Variants in ELAVL2 observed in about 807,000 individuals in gnomAD.
ELAVL2 encodes the protein ELAV like RNA binding protein 2.
In ELAVL2, 4 loss-of-function variants were observed where a neutral mutation model predicts 34.6. The ratio of observed to expected loss-of-function variants is 0.12; its 90% CI spans 0.06 to 0.26. The LOEUF (loss-of-function observed/expected upper bound fraction) is 0.26. ELAVL2 is among the 10% of genes least tolerant of loss of function. The pLI is 1.00. For synonymous variants in ELAVL2, 193 were observed against 154.8 expected (o/e 1.25, Z -1.83); for missense variants, 432 against 442.8 (o/e 0.98, Z 0.22).
At chr9:23,728,103 C>CAAAAAAAAAAGG (rs2045673994) in intron 3 of ELAVL2, among the ~76,000 whole-genome samples, 1 of 116,932 alleles carries the variant, frequency 8.6e-6, no homozygotes, top group Non-Finnish European at 1.9e-5. Flanking sequence ...ACTGCCTGGT[C>CAAAAAAAAAAGG]TTGGCTAAAT....
intron 1 of ELAVL2, among the ~76,000 whole-genome samples, chr9:23,768,663 G>A (rs955758309): frequency 3.9e-5 from 6 of 152,072 alleles, no homozygotes; most frequent in Admixed American, 2.0e-4. Flanking sequence ...ATCTACCTTT[G>A]TGAAAAGTTG....
At position 23,691,195 on chromosome 9, in the gene ELAVL2, T is replaced by G. The variant is rs1019984196; in HGVS notation, c.*1362A>C. The G allele has an allele frequency of 6.6e-6, 1 of 152,634 alleles. No homozygotes were observed. The highest frequency in any genetic ancestry group is 3.4e-3 in the Middle Eastern group (1 of 294). 9.5% of individuals were successfully genotyped at this position (152,634 alleles called of 1,614,324 possible). A position where few individuals can be genotyped will look rare whatever the true frequency, so the allele number is the denominator to read the frequency against. ...CTCAAGTAACAATGTTAATGCCATTTACAAAGGAAAAAACTGATACAAAAA... is the reference window on the plus strand; with the variant it reads ...CTCAAGTAACAATGTTAATGCCATTGACAAAGGAAAAAACTGATACAAAAA... On this transcript the variant is annotated 3_prime_UTR_variant, in exon 7 of 7. Coordinates refer to ENST00000397312, the MANE Select transcript of ELAVL2 (RefSeq NM_004432.5).
At position 23,690,839 on chromosome 9, in the gene ELAVL2, C is replaced by T. The variant is rs886573705; in HGVS notation, c.*1718G>A. 1 of 152,440 alleles carries T rather than the reference C, an allele frequency of 6.6e-6. No individual in the cohort carries two copies. Among genetic ancestry groups the T allele is most frequent in the Admixed American group, 6.6e-5 (1 of 15,252 alleles). 9.4% of individuals were successfully genotyped at this position (152,440 alleles called of 1,614,324 possible). ...TTGAAAATTTATTATAAGCTAGATG[C>T]TAATCAGAAAATATTTTGTATTTTT... On this transcript the variant is annotated 3_prime_UTR_variant, in exon 7 of 7. Transcript: ENST00000397312.
intron 3 of ELAVL2, among the ~76,000 whole-genome samples, chr9:23,717,482 T>C (rs1418040459): frequency 6.6e-6 from 1 of 152,210 alleles, no homozygotes; most frequent in Non-Finnish European, 1.5e-5. Context: ...GGTTATTACT[T>C]GATAGAATAA....
chr9:23,773,859 G>A (rs1010422617), intron 1 of ELAVL2, among the ~76,000 whole-genome samples: 1 of 152,094 alleles, frequency 6.6e-6, no homozygotes, highest in Non-Finnish European at 1.5e-5. Context: ...AGTGAACAGA[G>A]GGTATTATCA....
chr9:23,805,636 C>T (rs1222242045), intron 1 of ELAVL2, among the ~76,000 whole-genome samples: 1 of 152,188 alleles, frequency 6.6e-6, no homozygotes, highest in East Asian at 1.9e-4. Context: ...GGCCCAATAA[C>T]GCTTCTTAAA....
intron 1 of ELAVL2, among the ~76,000 whole-genome samples, chr9:23,812,583 A>G (rs929897172): frequency 6.6e-6 from 1 of 152,134 alleles, no homozygotes; most frequent in East Asian, 1.9e-4. Context: ...CGTTCACCTA[A>G]AAGAATCATA....
intron 5 of ELAVL2, among the ~76,000 whole-genome samples, chr9:23,696,269 A>G (rs2035167307): frequency 6.6e-6 from 1 of 152,012 alleles, no homozygotes; most frequent in Non-Finnish European, 1.5e-5. Context: ...CCATAGATTC[A>G]TGTTTCCCAT....
At chr9:23,737,670 A>C (rs2048217807) in intron 2 of ELAVL2, among the ~76,000 whole-genome samples, 1 of 152,206 alleles carries the variant, frequency 6.6e-6, no homozygotes, top group Admixed American at 6.5e-5. Flanking sequence ...CAACAATAAA[A>C]GGTGACTACA....
intron 2 of ELAVL2, among the ~76,000 whole-genome samples, chr9:23,749,189 CT>C (rs1157300212): frequency 6.6e-6 from 1 of 151,880 alleles, no homozygotes; most frequent in Non-Finnish European, 1.5e-5. Flanking sequence ...TAGAATTAAT[CT>C]GATGACACGT....
intron 1 of ELAVL2, among the ~76,000 whole-genome samples, chr9:23,788,974 T>C (rs994960734): frequency 6.6e-6 from 1 of 152,170 alleles, no homozygotes; most frequent in Non-Finnish European, 1.5e-5. Context: ...ACGGAAATCA[T>C]GGAAAGCGAA....
intron 2 of ELAVL2, among the ~76,000 whole-genome samples, chr9:23,741,825 C>G (rs1172792445): frequency 1.3e-5 from 2 of 152,148 alleles, no homozygotes; most frequent in Admixed American, 6.6e-5. Context: ...GAAGATGGTA[C>G]TTTAGAATAC....
chr9:23,707,496 G>A (rs1213954391), intron 3 of ELAVL2, among the ~76,000 whole-genome samples: 1 of 150,944 alleles, frequency 6.6e-6, no homozygotes. Flanking sequence ...TCCAGGGCAG[G>A]CATCTACACA....
Position 23,733,352 on chromosome 9 carries a change from C to T in ELAVL2, c.230-2227G>A, listed in dbSNP as rs145213861. Among the ~76,000 whole-genome samples the T allele has an allele frequency of 1.5e-3, 223 of 152,178 alleles. 1 individual carries two copies. Among genetic ancestry groups the T allele is most frequent in the African/African-American group, 5.0e-3 (209 of 41,522 alleles). Reference sequence around the variant, plus strand: ...AACTCCTGGACTCAAGCGATCCTCCCACCTTGGGCTCTGATTTTATCAGTC... The same window carrying T: ...AACTCCTGGACTCAAGCGATCCTCCTACCTTGGGCTCTGATTTTATCAGTC... On this transcript the variant is annotated intron_variant, in intron 2 of 6. Coordinates refer to ENST00000397312, the MANE Select transcript of ELAVL2 (RefSeq NM_004432.5).
intron 2 of ELAVL2, among the ~76,000 whole-genome samples, chr9:23,760,057 C>T (rs1239708687): frequency 1.3e-5 from 2 of 151,530 alleles, no homozygotes; most frequent in African/African-American, 4.8e-5. Flanking sequence ...TCTATTACCA[C>T]CGTCTACCAC....
intron 3 of ELAVL2, among the ~76,000 whole-genome samples, chr9:23,724,396 G>C (rs1333343782): frequency 1.3e-5 from 2 of 152,084 alleles, no homozygotes; most frequent in Non-Finnish European, 2.9e-5. Flanking sequence ...TCTCACTTTG[G>C]AGTTGGCTAA....
At chr9:23,780,423 T>C (rs2058904700) in intron 1 of ELAVL2, among the ~76,000 whole-genome samples, 1 of 152,182 alleles carries the variant, frequency 6.6e-6, no homozygotes, top group Non-Finnish European at 1.5e-5. Flanking sequence ...ACTTGGAAAA[T>C]GGCTTTTTAA....
At chr9:23,748,696 T>C (rs2051130698) in intron 2 of ELAVL2, among the ~76,000 whole-genome samples, 1 of 152,114 alleles carries the variant, frequency 6.6e-6, no homozygotes, top group African/African-American at 2.4e-5. Flanking sequence ...GACGTTTCTT[T>C]TACGGGGAAT....
chr9:23,823,762 C>T (rs1052089403), intron 1 of ELAVL2, among the ~76,000 whole-genome samples: 27 of 152,186 alleles, frequency 1.8e-4, no homozygotes, highest in Non-Finnish European at 3.5e-4. Flanking sequence ...AACACGAACA[C>T]CCTTTTTCTG....
Sources: allele counts gnomAD v4.1 joint callset (sites outside exome capture counted in the v4.1 genomes callset), GRCh38; gene constraint gnomAD v4.1.1; transcripts MANE v1.5; gene names NCBI Gene and HGNC (gene_info 2026-07-23, HGNC 2026-07-21).